Variants in RERE observed in about 807,000 individuals in gnomAD.
RERE encodes arginine-glutamic acid dipeptide repeats.
In RERE, 40 loss-of-function variants were observed where a neutral mutation model predicts 146.1. The observed-to-expected ratio is 0.27, with a 90% CI of 0.21 to 0.36. The LOEUF (loss-of-function observed/expected upper bound fraction) is 0.36, where lower values mean the gene tolerates loss of function less well. RERE is among the 10% of genes least tolerant of loss of function. The pLI is 1.00. For synonymous variants in RERE, 1,003 were observed against 866.0 expected (o/e 1.16, Z -2.78); for missense variants, 1,933 against 2,138.7 (o/e 0.90, Z 1.90).
intron 1 of RERE, among the ~76,000 whole-genome samples, chr1:8,658,573 C>G (rs527828773): frequency 6.6e-6 from 1 of 151,992 alleles, no homozygotes; most frequent in African/African-American, 2.4e-5. Flanking sequence ...CTGGCTAACA[C>G]GGTGAAACCC....
chr1:8,546,666 A>T lies in RERE; in HGVS notation c.726-5348T>A, dbSNP rs1290742561. On this transcript the variant is annotated intron_variant, in intron 6 of 22. Coordinates refer to ENST00000400908, the MANE Select transcript of RERE (RefSeq NM_001042681.2). ...AGTTCAAGACCAGCCTGGCCAACAT[A>T]GTGAAACCTTGTCTCTACTAAAAAT... Among the ~76,000 whole-genome samples the T allele has an allele frequency of 2.0e-5, 3 of 151,886 alleles. No individual in the cohort carries two copies. The East Asian group carries it at 5.8e-4, about 29-fold the overall frequency.
At chr1:8,635,633 C>T (rs544358359) in intron 2 of RERE, among the ~76,000 whole-genome samples, 14 of 152,064 alleles carry the variant, frequency 9.2e-5, no homozygotes, top group Non-Finnish European at 4.4e-5. Flanking sequence ...TCTGCGAAGA[C>T]AAAATGTATG....
chr1:8,794,560 T>C (rs1289222631), intron 1 of RERE, among the ~76,000 whole-genome samples: 2 of 152,090 alleles, frequency 1.3e-5, no homozygotes, highest in East Asian at 3.9e-4. Context: ...AAAATGTATT[T>C]ACAGATTTCT....
At chr1:8,495,696 C>T (rs1030831806) in intron 9 of RERE, among the ~76,000 whole-genome samples, 3 of 152,158 alleles carry the variant, frequency 2.0e-5, no homozygotes, top group South Asian at 2.1e-4. Flanking sequence ...TTTCTTCCCA[C>T]GTTTTAGCAG....
chr1:8,589,056 G>A (rs1268613481), intron 4 of RERE, among the ~76,000 whole-genome samples: 5 of 152,042 alleles, frequency 3.3e-5, no homozygotes, highest in East Asian at 1.9e-4. Context: ...CTGGGGAGGC[G>A]GAGGTTGCAG....
At chr1:8,475,242 C>T (rs766857732) in intron 10 of RERE, among the ~76,000 whole-genome samples, 14 of 150,088 alleles carry the variant, frequency 9.3e-5, no homozygotes, top group Admixed American at 5.3e-4. Flanking sequence ...GGTGTGGTGG[C>T]GCGCACCTGT....
chr1:8,747,771 T>TA (rs1640450657), intron 1 of RERE, among the ~76,000 whole-genome samples: 1 of 151,996 alleles, frequency 6.6e-6, no homozygotes, highest in Non-Finnish European at 1.5e-5. Context: ...CTAAAGATAA[T>TA]AAGAGAGTAG....
chr1:8,360,256 G>T lies in RERE; in HGVS notation c.3251C>A (p.Ser1084Ter). The T allele has an allele frequency of 6.3e-7, 1 of 1,575,856 alleles. No individual in the cohort carries two copies. ...AASGGSIAGG[S>*]SCPLPTVQIK... ...CTGGACGGTGGGGAGTGGGCAGGAC[G>T]ACCCCCCCGCTATGCTGCCTCCTGA... Residue 1084 changes from serine (S) to a stop codon, truncating the protein, a stop_gained, in exon 18 of 23, where the codon TCG becomes TAG. Coordinates refer to ENST00000400908, the MANE Select transcript of RERE (RefSeq NM_001042681.2). LOFTEE classifies it high-confidence loss of function.
chr1:8,361,588 G>A (rs1016493902), intron 17 of RERE, 98 bp from the exon 18 acceptor site: 2 of 1,508,824 alleles, frequency 1.3e-6, no homozygotes, highest in Non-Finnish European at 1.8e-6. Flanking sequence ...TTGTGCAGAT[G>A]AAGCAGCAAG....
intron 8 of RERE, among the ~76,000 whole-genome samples, chr1:8,498,355 A>T (rs1645074028): frequency 6.6e-6 from 1 of 151,514 alleles, no homozygotes; most frequent in African/African-American, 2.4e-5. Flanking sequence ...GCGAAATTCC[A>T]TCTCAAAAAT....
chr1:8,552,732 T>C (rs962924156), intron 6 of RERE, among the ~76,000 whole-genome samples: 4 of 152,218 alleles, frequency 2.6e-5, no homozygotes, highest in Admixed American at 6.5e-5. Context: ...TTCTGTTTTA[T>C]GGGAGTAATG....
intron 1 of RERE, among the ~76,000 whole-genome samples, chr1:8,773,644 T>C (rs1640999327): frequency 6.6e-6 from 1 of 152,124 alleles, no homozygotes; most frequent in East Asian, 1.9e-4. Flanking sequence ...ACCAACACGG[T>C]GAAACCCTGT....
intron 1 of RERE, among the ~76,000 whole-genome samples, chr1:8,668,963 T>TGTGTGTGTGTGTGG (rs1553130735): frequency 2.4e-5 from 1 of 42,382 alleles, no homozygotes; most frequent in Non-Finnish European, 4.9e-5. Flanking sequence ...TGTGTGTGTG[T>TGTGTGTGTGTGTGG]TGTGTTTTTA....
chr1:8,552,895 A>G (rs1645954101), intron 6 of RERE, among the ~76,000 whole-genome samples: 1 of 151,540 alleles, frequency 6.6e-6, no homozygotes, highest in Non-Finnish European at 1.5e-5. Context: ...CACACACACA[A>G]AACTGCACCA....
chr1:8,665,940 T>C (rs919988294), intron 1 of RERE, among the ~76,000 whole-genome samples: 1 of 152,186 alleles, frequency 6.6e-6, no homozygotes, highest in East Asian at 1.9e-4. Context: ...ACTACTGTTA[T>C]GTATATCTTA....
intron 1 of RERE, among the ~76,000 whole-genome samples, chr1:8,773,468 C>T (rs988333604): frequency 6.6e-6 from 1 of 152,098 alleles, no homozygotes; most frequent in Non-Finnish European, 1.5e-5. Flanking sequence ...CCAAGGTGCG[C>T]CAATCACTTG....
chr1:8,360,318 G>T lies in RERE; in HGVS notation c.3189C>A (p.Gly1063=). 6.5e-7 allele frequency: 1 copy of T among 1,528,956 alleles called. No individual in the cohort carries two copies. The highest frequency in any genetic ancestry group is 8.8e-7 in the Non-Finnish European group (1 of 1,136,546). 94.7% of individuals were successfully genotyped at this position (1,528,956 alleles called of 1,614,324 possible). Residue 1063 remains glycine (G), a synonymous_variant, in exon 18 of 23, where the codon GGC becomes GGA. Transcript: ENST00000400908. ...PSTSTPPAGP[G]TSAQPPCSGA... is the part of the protein sequence containing the mutation. ...CAGAGCAGGGTGGCTGGGCCGAGGT[G>T]CCAGGTCCCGCCGGTGGGGTAGAGG... is the stretch of plus-strand genomic sequence containing the variant.
chr1:8,529,752 G>GTCC lies in RERE; in HGVS notation c.830+11459_830+11461dup, dbSNP rs923495195. Among the ~76,000 whole-genome samples, 22 of 151,946 alleles carry GTCC rather than the reference G, an allele frequency of 1.4e-4. No individual in the cohort carries two copies. In the South Asian group the frequency reaches 1.5e-3, roughly 10 times the overall value. ...CTCCAATCTCAAGAATATAGGATCA[G>GTCC]TCCTCCTCCTCCTCCTCCTGGTCAG... On this transcript the variant is annotated intron_variant, in intron 7 of 22. Coordinates refer to ENST00000400908, the MANE Select transcript of RERE (RefSeq NM_001042681.2).
At chr1:8,424,672 G>A (rs1643983313) in intron 11 of RERE, 1 of 152,226 alleles carries the variant, frequency 6.6e-6, no homozygotes, top group Non-Finnish European at 1.5e-5. Context: ...TGCCCTCAAG[G>A]AGCTGCAGTC....
Sources: allele counts gnomAD v4.1 joint callset (sites outside exome capture counted in the v4.1 genomes callset), GRCh38; gene constraint gnomAD v4.1.1; transcripts MANE v1.5; gene names NCBI Gene and HGNC (gene_info 2026-07-23, HGNC 2026-07-21).